Variants in CPQ observed in about 807,000 individuals in gnomAD.
The protein encoded by CPQ is Ser-Met dipeptidase.
A neutral mutation model predicts 45.7 loss-of-function variants in CPQ; 37 were observed. That is an observed-to-expected ratio of 0.81 (90% CI 0.62 to 1.07). CPQ has a LOEUF of 1.07. Among genes scored for constraint, CPQ ranks in the 50% least tolerant of loss-of-function variants. The pLI, the probability that CPQ is intolerant of heterozygous loss-of-function variation, is 0.00. For missense variants in CPQ, 537 were observed against 572.9 expected (o/e 0.94, Z 0.64); for synonymous variants, 186 against 205.8 (o/e 0.90, Z 0.82).
At chr8:96,939,089 A>G (rs1813091118) in intron 4 of CPQ, among the ~76,000 whole-genome samples, 1 of 152,198 alleles carries the variant, frequency 6.6e-6, no homozygotes, top group South Asian at 2.1e-4. Context: ...CAGAATATGT[A>G]CCACCTATGT....
chr8:96,727,009 C>T (rs2130767274), intron 1 of CPQ, among the ~76,000 whole-genome samples: 1 of 152,254 alleles, frequency 6.6e-6, no homozygotes, highest in East Asian at 1.9e-4. Context: ...ATAGTTTATT[C>T]ATCCTCTTTT....
intron 6 of CPQ, chr8:97,056,646 C>A (rs1385456972): frequency 1.3e-5 from 2 of 152,180 alleles, no homozygotes; most frequent in African/African-American, 2.4e-5. Context: ...GTGAGATACT[C>A]TACAGAACAT....
intron 6 of CPQ, among the ~76,000 whole-genome samples, chr8:97,058,095 G>A (rs1810484811): frequency 6.6e-6 from 1 of 152,108 alleles, no homozygotes; most frequent in Non-Finnish European, 1.5e-5. Flanking sequence ...TAAGGCATAT[G>A]GGGATACTGT....
At chr8:96,932,640 T>G (rs1433150813) in intron 4 of CPQ, among the ~76,000 whole-genome samples, 1 of 152,214 alleles carries the variant, frequency 6.6e-6, no homozygotes, top group Non-Finnish European at 1.5e-5. Context: ...TCTTGGACCC[T>G]TTCCCCTTGG....
chr8:97,122,997 TAAAATA>T (rs1563586990), intron 7 of CPQ, among the ~76,000 whole-genome samples: 3 of 35,990 alleles, frequency 8.3e-5, no homozygotes, highest in African/African-American at 4.5e-4. Flanking sequence ...TAAAATAAAA[TAAAATA>T]TAAAATAAAA....
intron 3 of CPQ, among the ~76,000 whole-genome samples, chr8:96,874,767 T>A (rs1006310606): frequency 2.8e-4 from 43 of 151,904 alleles, no homozygotes; most frequent in African/African-American, 1.0e-3. Flanking sequence ...TTCTACCTTT[T>A]GACTATTAAA....
chr8:97,032,205 C>G (rs945546504), intron 6 of CPQ, among the ~76,000 whole-genome samples: 3 of 152,180 alleles, frequency 2.0e-5, no homozygotes, highest in African/African-American at 7.2e-5. Context: ...AATGACCTAA[C>G]ATAACCCAGA....
chr8:96,826,769 T>C (rs2130842303), intron 2 of CPQ, among the ~76,000 whole-genome samples: 1 of 152,124 alleles, frequency 6.6e-6, no homozygotes, highest in African/African-American at 2.4e-5. Context: ...TTGCCAATGC[T>C]CTCCCTCCCC....
In CPQ at chr8:97,049,842, G is replaced by T. The variant is rs917873221; in HGVS notation, c.1054-16167G>T. ...TTTGGTCATTAGCAGTGAAGCATTG[G>T]CATTAAGGTGCCAGGCCACTTTGTG... On this transcript the variant is annotated intron_variant, in intron 6 of 7. Transcript: ENST00000220763. Among the ~76,000 whole-genome samples the T allele has an allele frequency of 1.6e-4, 25 of 152,104 alleles. 1 individual carries two copies. Among genetic ancestry groups the T allele is most frequent in the Admixed American group, 2.6e-4 (4 of 15,272 alleles).
chr8:96,710,742 AT>A (rs1366225141), intron 1 of CPQ, among the ~76,000 whole-genome samples: 1 of 152,136 alleles, frequency 6.6e-6, no homozygotes, highest in South Asian at 2.1e-4. Context: ...AAAAAACTTA[AT>A]GAGATTTGTT....
At chr8:96,878,124 C>T (rs62508726) in intron 3 of CPQ, among the ~76,000 whole-genome samples, 4 of 152,140 alleles carry the variant, frequency 2.6e-5, no homozygotes, top group Non-Finnish European at 5.9e-5. Context: ...TGCCACCACA[C>T]CTGGCTAATT....
At chr8:96,744,338 C>G (rs905627877) in intron 1 of CPQ, among the ~76,000 whole-genome samples, 2 of 152,022 alleles carry the variant, frequency 1.3e-5, no homozygotes, top group Admixed American at 6.6e-5. Flanking sequence ...CTTCTGCTCT[C>G]GCACAGTGCG....
chr8:96,890,448 C>T (rs1812357911), intron 4 of CPQ, among the ~76,000 whole-genome samples: 1 of 152,180 alleles, frequency 6.6e-6, no homozygotes, highest in Non-Finnish European at 1.5e-5. Context: ...ACCTTCACTC[C>T]TGAAGGGTCT....
intron 5 of CPQ, among the ~76,000 whole-genome samples, chr8:96,979,878 A>G (rs1813859380): frequency 6.6e-6 from 1 of 152,190 alleles, no homozygotes; most frequent in Non-Finnish European, 1.5e-5. Context: ...GATAATCATT[A>G]TCGATGAGCT....
rs1424142377 is a variant in CPQ, at chr8:96,835,127, G to C, written c.588G>C (p.Lys196Asn). The change falls in exon 3 of 8, where the codon AAG becomes AAC. Residue 196 changes from lysine to asparagine, a missense_variant. By Grantham distance (94) the Lys-to-Asn change is moderately conservative. Transcript: ENST00000220763. ...CGCAGGGGGCGGTGGAAGCTGCCAAGGTGGGGGCTTTGGCATCTCTCATTC... is the reference window on the plus strand; with the variant it reads ...CGCAGGGGGCGGTGGAAGCTGCCAACGTGGGGGCTTTGGCATCTCTCATTC... The part of the protein sequence containing the change: ...YRTQGAVEAA[K>N]VGALASLIRS... 6.3e-7 allele frequency: 1 copy of C among 1,588,186 alleles called. No homozygotes were observed. Among genetic ancestry groups the C allele is most frequent in the Admixed American group, 1.8e-5 (1 of 57,054 alleles).
chr8:96,955,751 C>T (rs1036207532), intron 4 of CPQ, among the ~76,000 whole-genome samples: 7 of 152,106 alleles, frequency 4.6e-5, no homozygotes, highest in Admixed American at 1.3e-4. Flanking sequence ...TTTGACAAAC[C>T]TGACAAAAAC....
chr8:96,687,353 C>T (rs1161695319), intron 1 of CPQ, among the ~76,000 whole-genome samples: 2 of 152,020 alleles, frequency 1.3e-5, no homozygotes, highest in Non-Finnish European at 2.9e-5. Context: ...GCTGGGATTA[C>T]AGACGCACAC....
Position 96,738,453 on chromosome 8 carries a change from T to A in CPQ, c.-34-46411T>A, listed in dbSNP as rs939862534. The stretch of plus-strand genomic sequence containing the variant: ...TTCATTTTTATTTTTTATTTTTTTA[T>A]TTTTTATTTATTTATTTTTATTATA... On this transcript the variant is annotated intron_variant, in intron 1 of 7. Coordinates refer to ENST00000220763, the MANE Select transcript of CPQ (RefSeq NM_016134.4). 6.6e-5 allele frequency among the ~76,000 whole-genome samples: 10 copies of A among 151,892 alleles called. No individual in the cohort carries two copies. In the South Asian group the frequency reaches 1.9e-3, roughly 28 times the overall value.
At position 97,143,292 on chromosome 8, in the gene CPQ, C is replaced by A; in HGVS notation, c.*109C>A. The A allele has an allele frequency of 1.0e-6, 1 of 998,246 alleles. No individual in the cohort carries two copies. The highest frequency in any genetic ancestry group is 1.5e-6 in the Non-Finnish European group (1 of 672,498). The allele number at this position is 998,246 out of a possible 1,614,324, so 61.8% of individuals were successfully genotyped here. A position where few individuals can be genotyped will look rare whatever the true frequency, so the allele number is the denominator to read the frequency against. On this transcript the variant is annotated 3_prime_UTR_variant, in exon 8 of 8. Transcript: ENST00000220763. ...TTTCATCCAATTCATCTTCAAAGCA[C>A]AACTCTATTTCATGCTTTCTGTTAT...
Sources: gnomAD v4.1 joint callset for allele counts (sites outside exome capture counted in the v4.1 genomes callset) on GRCh38, gnomAD v4.1.1 for gene constraint, MANE v1.5 for transcripts, NCBI Gene and HGNC (gene_info 2026-07-23, HGNC 2026-07-21) for gene names.